Variants in SEZ6 observed in about 807,000 individuals in gnomAD.
SEZ6 encodes seizure related 6 homolog.
Under a neutral mutation model 101.0 loss-of-function variants are expected in SEZ6, and 53 were observed. That is an observed-to-expected ratio of 0.52 (90% CI 0.42 to 0.66). The LOEUF (loss-of-function observed/expected upper bound fraction) is 0.66. SEZ6 is among the 30% of genes least tolerant of loss of function. The pLI, the probability that SEZ6 is intolerant of heterozygous loss-of-function variation, is 0.00. For missense variants in SEZ6, 1,102 were observed against 1,289.4 expected, an observed-to-expected ratio of 0.85 and a Z score of 2.23; for synonymous variants, 488 against 512.2, an observed-to-expected ratio of 0.95 and a Z score of 0.64.
Position 28,981,502 on chromosome 17 carries a change from T to C in SEZ6, c.593A>G (p.Glu198Gly). Reference protein sequence around the residue: ...PGDMGRPWVAEVVSQGAGIGI... With the variant: ...PGDMGRPWVAGVVSQGAGIGI... Reference sequence around the variant, plus strand: ...GATCCCTGCGCCCTGGGACACAACCTCTGCAACCCACGGCCTTCCCATGTC... The same window carrying C: ...GATCCCTGCGCCCTGGGACACAACCCCTGCAACCCACGGCCTTCCCATGTC... Residue 198 changes from glutamate (E) to glycine (G), a missense_variant, in exon 2 of 17, where the codon GAG becomes GGG. By Grantham distance (98) the Glu-to-Gly change is moderately conservative. Coordinates refer to ENST00000317338, the MANE Select transcript of SEZ6 (RefSeq NM_178860.5). 1 of 1,607,694 alleles carries C rather than the reference T, an allele frequency of 6.2e-7. No individual in the cohort carries two copies.
rs1227378005 is a variant in SEZ6, at chr17:28,960,956, T to A, written c.1258A>T (p.Ile420Phe). ...ATGCGGCCGGTGGTGGCATTGCGGA[T>A]CACTCCGCCGCAAGCAGCTGTTAAG... ...PVCIAACGGV[I>F]RNATTGRIVS... Residue 420 changes from isoleucine (I) to phenylalanine (F), a missense_variant, in exon 6 of 17, where the codon ATC becomes TTC. By Grantham distance (21) the Ile-to-Phe change is conservative (BLOSUM62 0). Coordinates refer to ENST00000317338, the MANE Select transcript of SEZ6 (RefSeq NM_178860.5). 3 of 1,613,316 alleles carry A rather than the reference T, an allele frequency of 1.9e-6. No homozygotes were observed. The highest frequency in any genetic ancestry group is 8.5e-7 in the Non-Finnish European group (1 of 1,179,784).
Position 29,005,778 on chromosome 17 carries a change from C to G in SEZ6, c.55+37G>C. ...CTTCCCACCCCTGGGGCCCCGCTCC[C>G]GCCCCCGTCCTGCCGCCGGATGCCG... On this transcript the variant is annotated intron_variant, in intron 1 of 16. Transcript: ENST00000317338. This position sits in a 1 kb window ranked among gnomAD's most constrained non-coding sequence, Gnocchi z 4.8. 2 of 1,474,964 alleles carry G rather than the reference C, an allele frequency of 1.4e-6. No individual in the cohort carries two copies. The highest frequency in any genetic ancestry group is 1.8e-6 in the Non-Finnish European group (2 of 1,112,418). The allele number at this position is 1,474,964 out of a possible 1,614,324, so 91.4% of individuals were successfully genotyped here.
At chr17:29,004,788 A>C (rs1166347289) in intron 1 of SEZ6, among the ~76,000 whole-genome samples, 3 of 152,182 alleles carry the variant, frequency 2.0e-5, no homozygotes, top group Admixed American at 1.3e-4. Flanking sequence ...CGTGGGTGCC[A>C]GTAGCTTCCA....
rs1484006687 is a variant in SEZ6, at chr17:28,981,414, GGTA to G, written c.678_680del (p.Thr229del). ...TGATGGTGGTGGTGATGATGGTGGT[GGTA>G]GTGGTGGTCTCCTCATCATCTCCTG... is the stretch of plus-strand genomic sequence containing the variant. On this transcript the variant is annotated inframe_deletion, in exon 2 of 17. Coordinates refer to ENST00000317338, the MANE Select transcript of SEZ6 (RefSeq NM_178860.5). 2 of 1,554,880 alleles carry G rather than the reference GGTA, an allele frequency of 1.3e-6. No individual in the cohort carries two copies. The highest frequency in any genetic ancestry group is 1.7e-6 in the Non-Finnish European group (2 of 1,148,774).
intron 3 of SEZ6, among the ~76,000 whole-genome samples, chr17:28,976,743 A>G (rs2041226494): frequency 6.6e-6 from 1 of 152,154 alleles, no homozygotes; most frequent in Admixed American, 6.5e-5. Flanking sequence ...CCGCCCCTAC[A>G]CAACAAAGCC....
chr17:28,971,600 A>C (rs1273190206), intron 3 of SEZ6, among the ~76,000 whole-genome samples: 1 of 145,726 alleles, frequency 6.9e-6, no homozygotes, highest in African/African-American at 2.6e-5. Context: ...TTTCAAAACA[A>C]AAAAAAAAAG....
intron 5 of SEZ6, 75 bp from the exon 6 acceptor site, chr17:28,961,048 C>A: frequency 6.5e-7 from 1 of 1,535,006 alleles, no homozygotes; most frequent in Non-Finnish European, 8.8e-7. Context: ...TCCTCCCTAT[C>A]CCAGCCCTAT....
chr17:28,978,056 C>A (rs1427852224), intron 3 of SEZ6, among the ~76,000 whole-genome samples: 1 of 152,180 alleles, frequency 6.6e-6, no homozygotes, highest in Non-Finnish European at 1.5e-5. Context: ...ATACCTGGAC[C>A]TGACATCCCC....
chr17:28,972,931 G>T (rs1041622174), intron 3 of SEZ6, among the ~76,000 whole-genome samples: 1 of 152,172 alleles, frequency 6.6e-6, no homozygotes, highest in Admixed American at 6.5e-5. Context: ...TCACTACAGG[G>T]AAATTACCAC....
rs2041022229 is a variant in SEZ6, at chr17:28,963,850, T to C, written c.1240+112A>G. On this transcript the variant is annotated intron_variant, in intron 5 of 16. Coordinates refer to ENST00000317338, the MANE Select transcript of SEZ6 (RefSeq NM_178860.5). ...ATGCCACTGAGGTGCATGGCCATTT[T>C]CTGGCTTCCTTATGAAGAGCAAATG... The C allele has an allele frequency of 2.2e-6, 3 of 1,336,750 alleles. No homozygotes were observed. In the Admixed American group the frequency reaches 6.0e-5, roughly 27 times the overall value. 82.8% of individuals were successfully genotyped at this position (1,336,750 alleles called of 1,614,324 possible). A position where few individuals can be genotyped will look rare whatever the true frequency, so the allele number is the denominator to read the frequency against.
Position 28,959,374 on chromosome 17 carries a change from G to T in SEZ6, c.1870C>A (p.His624Asn). The change falls in exon 9 of 17, where the codon CAT becomes AAT. Residue 624 changes from histidine to asparagine, a missense_variant. Coordinates refer to ENST00000317338, the MANE Select transcript of SEZ6 (RefSeq NM_178860.5). This position sits in a 1 kb window ranked among gnomAD's most constrained non-coding sequence, Gnocchi z 4.4. ...ATGATGCGCTTGTCCTCTTCCACAT[G>T]CACACCCCAGATACAATCCTGCCCA... Reference protein sequence around the residue: ...GRGQDCIWGVHVEEDKRIMLD... With the variant: ...GRGQDCIWGVNVEEDKRIMLD... 6.2e-7 allele frequency: 1 copy of T among 1,613,864 alleles called. No individual in the cohort carries two copies. Among genetic ancestry groups the T allele is most frequent in the Non-Finnish European group, 8.5e-7 (1 of 1,179,866 alleles).
chr17:28,974,231 C>T (rs1307117515), intron 3 of SEZ6, among the ~76,000 whole-genome samples: 1 of 152,166 alleles, frequency 6.6e-6, no homozygotes, highest in Non-Finnish European at 1.5e-5. Flanking sequence ...GCGATCCCCA[C>T]CCCCAGATGC....
chr17:28,955,996 T>C lies in SEZ6; in HGVS notation c.2953-2A>G, dbSNP rs760527571. 2.5e-6 allele frequency: 4 copies of C among 1,612,726 alleles called. No homozygotes were observed. Among genetic ancestry groups the C allele is most frequent in the Non-Finnish European group, 3.4e-6 (4 of 1,179,396 alleles). On this transcript the variant is annotated splice_acceptor_variant, in intron 16 of 16. Transcript: ENST00000317338. LOFTEE classifies it high-confidence loss of function. ...CTCGTCTCCTGCAAAGGAAAGAGAC[T>C]GCTGGGAGTTGGAAACTTGTATTAG... is the stretch of plus-strand genomic sequence containing the variant.
chr17:28,972,565 T>C (rs545735631), intron 3 of SEZ6, among the ~76,000 whole-genome samples: 24 of 152,294 alleles, frequency 1.6e-4, no homozygotes, highest in African/African-American at 5.8e-4. Context: ...CCGAGGCGTC[T>C]CCTCTCTGTG....
At chr17:28,983,251 G>A (rs546943921) in intron 1 of SEZ6, among the ~76,000 whole-genome samples, 6 of 152,246 alleles carry the variant, frequency 3.9e-5, no homozygotes, top group East Asian at 3.9e-4. Context: ...ATTACATCCC[G>A]TCTCTATTTG....
intron 1 of SEZ6, among the ~76,000 whole-genome samples, chr17:28,995,236 T>G (rs2041520318): frequency 1.3e-5 from 2 of 152,122 alleles, no homozygotes; most frequent in Admixed American, 1.3e-4. Flanking sequence ...GCTGAGCATC[T>G]GCAGGGCTAG....
chr17:28,958,257 G>A, intron 10 of SEZ6, 116 bp from the exon 11 acceptor site: 3 of 1,247,216 alleles, frequency 2.4e-6, no homozygotes, highest in Non-Finnish European at 3.3e-6. Context: ...ACTGTCCTGG[G>A]CGGGCTCAGG....
rs759007359 is a variant in SEZ6, at chr17:28,960,868, G to A, written c.1346C>T (p.Ala449Val). The A allele has an allele frequency of 3.1e-6, 5 of 1,613,868 alleles. No homozygotes were observed. The highest frequency in any genetic ancestry group is 3.3e-4 in the Middle Eastern group (2 of 6,084). ...CAGGTGTAGCCGCTGGCCCTCAGGAGCCTCAAGCAGCCAGTGACAGGTGAG... is the reference window on the plus strand; with the variant it reads ...CAGGTGTAGCCGCTGGCCCTCAGGAACCTCAAGCAGCCAGTGACAGGTGAG... ...NNLTCHWLLE[A>V]PEGQRLHLHF... is the part of the protein sequence containing the mutation. The change falls in exon 6 of 17, where the codon GCT becomes GTT. Residue 449 changes from alanine to valine, a missense_variant. By Grantham distance (64) the Ala-to-Val change is moderately conservative. This residue lies in a region of SEZ6 where 556 missense variants were observed against 735.1 expected (regional missense o/e 0.76). Transcript: ENST00000317338.
At chr17:28,983,851 C>T (rs2041342843) in intron 1 of SEZ6, among the ~76,000 whole-genome samples, 1 of 152,068 alleles carries the variant, frequency 6.6e-6, no homozygotes, top group South Asian at 2.1e-4. Context: ...ATTCCAGAGG[C>T]TCACACCCAC....
Sources: allele counts gnomAD v4.1 joint callset (sites outside exome capture counted in the v4.1 genomes callset), GRCh38; gene constraint gnomAD v4.1.1; regional missense constraint gnomAD v4.1.1; non-coding constraint Gnocchi (gnomAD v3.1); transcripts MANE v1.5; gene names NCBI Gene and HGNC (gene_info 2026-07-23, HGNC 2026-07-21).